Variants in PCDH15 observed in about 807,000 individuals in gnomAD.
PCDH15 encodes protocadherin related 15, also known as protocadherin-15.
A neutral mutation model predicts 178.5 loss-of-function variants in PCDH15; 129 were observed. The ratio of observed to expected loss-of-function variants is 0.72; its 90% CI spans 0.63 to 0.84. PCDH15 has a LOEUF of 0.84. Among genes scored for constraint, PCDH15 ranks in the 40% least tolerant of loss-of-function variants. The pLI is 0.00. For missense variants in PCDH15, 2,230 were observed against 2,099.9 expected (o/e 1.06, Z -1.21); for synonymous variants, 800 against 732.0 (o/e 1.09, Z -1.50).
At chr10:54,385,019 T>C (rs940712727) in intron 3 of PCDH15, among the ~76,000 whole-genome samples, 10 of 152,150 alleles carry the variant, frequency 6.6e-5, no homozygotes, top group Admixed American at 1.3e-4. Flanking sequence ...ACTCCATTTA[T>C]TTCATTTTTT....
intron 2 of PCDH15, among the ~76,000 whole-genome samples, chr10:55,010,650 C>A (rs1046230034): frequency 1.3e-5 from 2 of 152,044 alleles, no homozygotes; most frequent in Non-Finnish European, 2.9e-5. Context: ...AGAAGGAGGG[C>A]AGTCTTAATT....
At chr10:55,419,327 A>C (rs551556304) in intron 2 of PCDH15, among the ~76,000 whole-genome samples, 1 of 151,924 alleles carries the variant, frequency 6.6e-6, no homozygotes, top group African/African-American at 2.4e-5. Flanking sequence ...TTTTGATGAC[A>C]GTAAGTAAGC....
chr10:54,690,833 G>A (rs1258855690), intron 1 of PCDH15, among the ~76,000 whole-genome samples: 1 of 151,696 alleles, frequency 6.6e-6, no homozygotes, highest in Non-Finnish European at 1.5e-5. Flanking sequence ...CCCTAGAAAA[G>A]CAAGTACTGC....
At chr10:53,906,478 T>G (rs1344229963) in intron 25 of PCDH15, among the ~76,000 whole-genome samples, 5 of 152,192 alleles carry the variant, frequency 3.3e-5, no homozygotes, top group African/African-American at 4.8e-5. Context: ...TGCCTCAGTT[T>G]GTAGGTAATT....
intron 2 of PCDH15, among the ~76,000 whole-genome samples, chr10:55,446,857 C>T (rs60757121): frequency 1.3e-5 from 2 of 152,156 alleles, no homozygotes; most frequent in South Asian, 4.2e-4. Context: ...AGCAGCACCA[C>T]TCAGCTAAGA....
intron 2 of PCDH15, among the ~76,000 whole-genome samples, chr10:55,069,343 T>A (rs1239391369): frequency 6.7e-6 from 1 of 149,824 alleles, no homozygotes; most frequent in Non-Finnish European, 1.5e-5. Flanking sequence ...TACTTACATA[T>A]GTATACATGT....
chr10:54,225,510 C>A (rs2053334777), intron 9 of PCDH15, among the ~76,000 whole-genome samples: 1 of 152,076 alleles, frequency 6.6e-6, no homozygotes, highest in Non-Finnish European at 1.5e-5. Flanking sequence ...TTACTTAGAC[C>A]CTTGTCATTT....
At chr10:55,616,096 T>A (rs1475138247) in intron 2 of PCDH15, among the ~76,000 whole-genome samples, 1 of 152,172 alleles carries the variant, frequency 6.6e-6, no homozygotes, top group African/African-American at 2.4e-5. Context: ...CAGCCCACCA[T>A]TACCATGCAG....
intron 3 of PCDH15, among the ~76,000 whole-genome samples, chr10:54,388,432 G>T (rs1431949353): frequency 6.6e-6 from 1 of 152,146 alleles, no homozygotes; most frequent in African/African-American, 2.4e-5. Flanking sequence ...ACTTCAAGTT[G>T]CCCAGGCTCT....
At chr10:54,812,478 G>A (rs1034530379) in intron 3 of PCDH15, among the ~76,000 whole-genome samples, 10 of 151,468 alleles carry the variant, frequency 6.6e-5, no homozygotes, top group Admixed American at 5.9e-4. Context: ...TTTGTTTTTT[G>A]AGACGGAGTT....
At chr10:54,548,072 G>A (rs1356474731) in intron 2 of PCDH15, among the ~76,000 whole-genome samples, 1 of 143,200 alleles carries the variant, frequency 7.0e-6, no homozygotes, top group Non-Finnish European at 1.5e-5. Flanking sequence ...CTGCACTCCA[G>A]CCTGGGCGAC....
chr10:53,995,306 T>C (rs2134893799), intron 21 of PCDH15: 2 of 317,090 alleles, frequency 6.3e-6, no homozygotes, highest in Non-Finnish European at 6.0e-6. Flanking sequence ...AATAGTCATA[T>C]ATGCATACAG....
At chr10:55,285,616 T>A (rs1333857582) in intron 1 of PCDH15, among the ~76,000 whole-genome samples, 1 of 151,878 alleles carries the variant, frequency 6.6e-6, no homozygotes, top group Non-Finnish European at 1.5e-5. Flanking sequence ...TTAACATATT[T>A]TTTTCTTAGG....
chr10:55,290,885 A>G (rs1842991331), intron 1 of PCDH15, among the ~76,000 whole-genome samples: 1 of 152,062 alleles, frequency 6.6e-6, no homozygotes, highest in East Asian at 1.9e-4. Context: ...TCTCTGATTA[A>G]TGTGTGTTTA....
chr10:55,529,264 G>C (rs1432983039), intron 2 of PCDH15, among the ~76,000 whole-genome samples: 1 of 152,032 alleles, frequency 6.6e-6, no homozygotes, highest in Non-Finnish European at 1.5e-5. Flanking sequence ...GGCTTTTGTT[G>C]TCATTGCTTC....
chr10:53,822,985 G>A lies in PCDH15; in HGVS notation c.4368-2755C>T, dbSNP rs752940448. 2.4e-5 allele frequency: 38 copies of A among 1,613,922 alleles called. No homozygotes were observed. Among genetic ancestry groups the A allele is most frequent in the Non-Finnish European group, 3.2e-5 (38 of 1,179,992 alleles). On this transcript the variant is annotated intron_variant, in intron 32 of 37. Transcript: ENST00000644397. ...GGAACTTTCCTCATCAGCCTCCTGG[G>A]TAAGCTGACTGACTGACTCCACAGC...
At chr10:55,234,410 A>T (rs938799930) in intron 1 of PCDH15, among the ~76,000 whole-genome samples, 4 of 149,458 alleles carry the variant, frequency 2.7e-5, no homozygotes, top group Admixed American at 6.7e-5. Flanking sequence ...CAGATTTGTC[A>T]TTTTTTTTTT....
chr10:54,379,019 G>A (rs1274270617), intron 3 of PCDH15, 77 bp from the exon 4 acceptor site: 6 of 1,526,826 alleles, frequency 3.9e-6, no homozygotes, highest in East Asian at 2.3e-5. Context: ...CTCTTAAACC[G>A]CGGCTGGCTC....
At chr10:55,580,278 A>G (rs1842583619) in intron 2 of PCDH15, among the ~76,000 whole-genome samples, 1 of 152,090 alleles carries the variant, frequency 6.6e-6, no homozygotes, top group Non-Finnish European at 1.5e-5. Flanking sequence ...TTTTCTGTGT[A>G]TTCATTATTC....
Sources: allele counts gnomAD v4.1 joint callset (sites outside exome capture counted in the v4.1 genomes callset), GRCh38; gene constraint gnomAD v4.1.1; transcripts MANE v1.5; gene names NCBI Gene and HGNC (gene_info 2026-07-23, HGNC 2026-07-21).